SDK1: variants seen among roughly 807,000 people sequenced by gnomAD.
SDK1 encodes the protein sidekick cell adhesion molecule 1, also known as protein sidekick-1.
A neutral mutation model predicts 245.5 loss-of-function variants in SDK1; 157 were observed. The observed-to-expected ratio is 0.64, with a 90% CI of 0.56 to 0.73. The LOEUF is 0.73. Ranked by LOEUF, SDK1 falls within the 30% of genes least tolerant of loss-of-function variation. The pLI is 0.00. For synonymous variants in SDK1, 1,647 were observed against 1,278.5 expected (o/e 1.29, Z -6.15); for missense variants, 3,583 against 3,002.3 (o/e 1.19, Z -4.52).
intron 5 of SDK1, among the ~76,000 whole-genome samples, chr7:3,842,835 A>G (rs895479415): frequency 2.0e-5 from 3 of 152,128 alleles, no homozygotes; most frequent in Non-Finnish European, 4.4e-5. Flanking sequence ...CTGTAGAGCA[A>G]AGAGAAGACA....
intron 4 of SDK1, among the ~76,000 whole-genome samples, chr7:3,801,148 A>T (rs1779097245): frequency 6.6e-6 from 1 of 152,232 alleles, no homozygotes. Context: ...ATTAAATAAG[A>T]CACATCACTA....
chr7:3,894,737 C>T (rs1583523562), intron 5 of SDK1, among the ~76,000 whole-genome samples: 3 of 141,414 alleles, frequency 2.1e-5, no homozygotes, highest in Admixed American at 1.5e-4. Context: ...CTCACTCTGT[C>T]CCCCCGGTTG....
chr7:3,932,765 C>G (rs1027324953), intron 5 of SDK1, among the ~76,000 whole-genome samples: 3 of 152,192 alleles, frequency 2.0e-5, no homozygotes, highest in Non-Finnish European at 4.4e-5. Context: ...TTTCTCTGCT[C>G]CTGGTCCAAA....
intron 1 of SDK1, among the ~76,000 whole-genome samples, chr7:3,408,217 T>C (rs1037231039): frequency 2.0e-5 from 3 of 151,970 alleles, no homozygotes; most frequent in African/African-American, 7.2e-5. Flanking sequence ...TTTTTTTTCA[T>C]AATTTTAGTA....
At chr7:4,105,008 A>G (rs1584146004) in intron 22 of SDK1, among the ~76,000 whole-genome samples, 1 of 151,974 alleles carries the variant, frequency 6.6e-6, no homozygotes, top group Non-Finnish European at 1.5e-5. Flanking sequence ...TTTGAGATGA[A>G]GTCGCACTCT....
chr7:4,025,817 G>A (rs940192851), intron 17 of SDK1, among the ~76,000 whole-genome samples: 40 of 152,134 alleles, frequency 2.6e-4, no homozygotes, highest in South Asian at 6.2e-4. Context: ...TTGCTGTCTC[G>A]AAGTCTCGGA....
chr7:3,590,600 A>G (rs1780836300), intron 1 of SDK1, among the ~76,000 whole-genome samples: 1 of 152,110 alleles, frequency 6.6e-6, no homozygotes, highest in Non-Finnish European at 1.5e-5. Flanking sequence ...GTCTAAAGAT[A>G]TTTTGGGGAA....
At chr7:4,135,705 G>A (rs909491302) in intron 28 of SDK1, among the ~76,000 whole-genome samples, 2 of 152,222 alleles carry the variant, frequency 1.3e-5, no homozygotes, top group African/African-American at 4.8e-5. Context: ...AAGCACATTC[G>A]TGCCTCCCTC....
At chr7:3,461,427 C>T (rs531341454) in intron 1 of SDK1, among the ~76,000 whole-genome samples, 8 of 152,226 alleles carry the variant, frequency 5.3e-5, no homozygotes, top group South Asian at 2.1e-4. Context: ...TCCTGAGCAT[C>T]GTGTGATTTT....
intron 1 of SDK1, among the ~76,000 whole-genome samples, chr7:3,481,457 C>T (rs1781519486): frequency 6.6e-6 from 1 of 152,236 alleles, no homozygotes; most frequent in Non-Finnish European, 1.5e-5. Flanking sequence ...CCTCTACACG[C>T]TGTTCTGTGC....
chr7:3,401,319 T>A lies in SDK1; in HGVS notation c.298+99435T>A, dbSNP rs141894789. ...GGCAGGATCAGAATGGAAAGGTAAC[T>A]GATAACTTGGAAGTTTAAACAATTA... On this transcript the variant is annotated intron_variant, in intron 1 of 44. Transcript: ENST00000404826. 2.0e-5 allele frequency among the ~76,000 whole-genome samples: 3 copies of A among 152,324 alleles called. No homozygotes were observed. In the East Asian group the frequency reaches 5.8e-4, roughly 29 times the overall value.
intron 4 of SDK1, 80 bp downstream of exon 4, chr7:3,642,185 A>G (rs1411111526): frequency 3.7e-5 from 50 of 1,368,720 alleles, no homozygotes; most frequent in African/African-American, 5.8e-5. Context: ...AAGTGTACCA[A>G]TTAAGGTTAC....
chr7:3,671,109 C>T (rs1266925337), intron 4 of SDK1, among the ~76,000 whole-genome samples: 2 of 152,118 alleles, frequency 1.3e-5, no homozygotes, highest in South Asian at 2.1e-4. Context: ...TCTTGCCTTA[C>T]CCCTGAGTTT....
At chr7:3,898,795 A>G (rs1016332268) in intron 5 of SDK1, among the ~76,000 whole-genome samples, 1 of 152,212 alleles carries the variant, frequency 6.6e-6, no homozygotes, top group Non-Finnish European at 1.5e-5. Flanking sequence ...ACGTGTTTTA[A>G]TAAATAGATG....
At chr7:4,032,432 G>A (rs1457752265) in intron 17 of SDK1, among the ~76,000 whole-genome samples, 3 of 152,164 alleles carry the variant, frequency 2.0e-5, no homozygotes, top group Non-Finnish European at 4.4e-5. Context: ...TCCTGCTGAA[G>A]GCAGAAGCGT....
At chr7:3,619,280 A>T in intron 2 of SDK1, 41 bp downstream of exon 2, 2 of 1,569,948 alleles carry the variant, frequency 1.3e-6, no homozygotes, top group South Asian at 1.1e-5. Flanking sequence ...ATTTCAGTTG[A>T]TGTGTTTGGA....
At chr7:3,794,172 A>G (rs1778905150) in intron 4 of SDK1, among the ~76,000 whole-genome samples, 1 of 152,196 alleles carries the variant, frequency 6.6e-6, no homozygotes, top group Non-Finnish European at 1.5e-5. Flanking sequence ...AGTATAAAGG[A>G]GAACGGCGTG....
chr7:3,610,555 A>C (rs1222754341), intron 1 of SDK1, among the ~76,000 whole-genome samples: 1 of 152,216 alleles, frequency 6.6e-6, no homozygotes, highest in Non-Finnish European at 1.5e-5. Context: ...ACTGTGTCTT[A>C]TTAATTTATA....
intron 25 of SDK1, among the ~76,000 whole-genome samples, chr7:4,123,461 A>G (rs968898488): frequency 6.6e-6 from 1 of 152,098 alleles, no homozygotes; most frequent in Non-Finnish European, 1.5e-5. Flanking sequence ...AAGACACCCT[A>G]TGGGAGCTCT....
Sources: gnomAD v4.1 joint callset for allele counts (sites outside exome capture counted in the v4.1 genomes callset) on GRCh38, gnomAD v4.1.1 for gene constraint, MANE v1.5 for transcripts, NCBI Gene and HGNC (gene_info 2026-07-23, HGNC 2026-07-21) for gene names.